Variants in IL17REL observed in about 807,000 individuals in gnomAD.
IL17REL encodes interleukin 17 receptor E like.
A neutral mutation model predicts 49.0 loss-of-function variants in IL17REL; 36 were observed. The observed-to-expected ratio is 0.73, with a 90% CI of 0.56 to 0.97. IL17REL has a LOEUF of 0.97. Among genes scored for constraint, IL17REL ranks in the 50% least tolerant of loss-of-function variants. The probability of loss-of-function intolerance (pLI) is 0.00; values close to 1 mark genes in which losing one functional copy is unlikely to be tolerated. For missense variants in IL17REL, 470 were observed against 453.9 expected, an observed-to-expected ratio of 1.04 and a Z score of -0.32; for synonymous variants, 206 against 192.4, an observed-to-expected ratio of 1.07 and a Z score of -0.58.
exon 13 of IL17REL, chr22:49,994,555 G>A (rs1013200428): frequency 2.6e-5 from 4 of 152,308 alleles, no homozygotes; most frequent in Non-Finnish European, 4.4e-5. Flanking sequence ...ACTGAGTGGC[G>A]GGGACTTACT....
In IL17REL at chr22:49,998,774, C is replaced by G. The variant is rs563169974; in HGVS notation, c.602-465G>C. ...GGGTGCGTGTGCATGGGTGCGTGTC[C>G]ATGGGTGTGGGTGTGCGTATGCATG... On this transcript the variant is annotated intron_variant, in intron 7 of 12. Coordinates refer to ENST00000341280, the Ensembl canonical transcript of IL17REL. Among the ~76,000 whole-genome samples, 11 of 148,016 alleles carry G rather than the reference C, an allele frequency of 7.4e-5. No homozygotes were observed. In the East Asian group the frequency reaches 1.4e-3, roughly 19 times the overall value.
intron 1 of IL17REL, among the ~76,000 whole-genome samples, chr22:50,006,415 T>C (rs1390134282): frequency 6.6e-6 from 1 of 152,002 alleles, no homozygotes; most frequent in African/African-American, 2.4e-5. Flanking sequence ...CCCTGAGTCC[T>C]GGGACGTTGA....
chr22:50,010,827 G>C (rs919825820), upstream of IL17REL, among the ~76,000 whole-genome samples: 34 of 151,546 alleles, frequency 2.2e-4, no homozygotes, highest in Admixed American at 4.6e-4. Flanking sequence ...GGCGGGGGGG[G>C]GCTGAGCCCG....
chr22:50,006,021 A>T (rs1353550450), intron 1 of IL17REL, among the ~76,000 whole-genome samples: 1 of 151,972 alleles, frequency 6.6e-6, no homozygotes, highest in African/African-American at 2.4e-5. Context: ...GTGCTGAGGA[A>T]AGCAGGGCGT....
At chr22:50,010,948 C>T (rs999746923), upstream of IL17REL, among the ~76,000 whole-genome samples, 1 of 151,870 alleles carries the variant, frequency 6.6e-6, no homozygotes, top group Non-Finnish European at 1.5e-5. Context: ...CTCGCGGCCC[C>T]ACCCCGCCCA....
At chr22:50,005,518 T>C (rs1461846232) in intron 1 of IL17REL, among the ~76,000 whole-genome samples, 1 of 152,122 alleles carries the variant, frequency 6.6e-6, no homozygotes, top group Non-Finnish European at 1.5e-5. Context: ...TAAAAATACC[T>C]GGGCCGGGCG....
Position 49,998,323 on chromosome 22 carries a change from C to A in IL17REL, c.602-14G>T. ...GTGCCTCAGTGTCTGCAGGAACCCT[C>A]CCCGAAACACAGGTCAGTTGGGCCC... On this transcript the variant is annotated splice_polypyrimidine_tract_variant and intron_variant, in intron 7 of 12. Transcript: ENST00000341280. 6.3e-7 allele frequency: 1 copy of A among 1,586,276 alleles called. No individual in the cohort carries two copies. Among genetic ancestry groups the A allele is most frequent in the South Asian group, 1.1e-5 (1 of 86,972 alleles).
chr22:50,007,423 T>G (rs539205027), intron 1 of IL17REL, among the ~76,000 whole-genome samples: 1 of 152,246 alleles, frequency 6.6e-6, no homozygotes, highest in African/African-American at 2.4e-5. Context: ...CAGGCTGGAG[T>G]GCAATGGTGC....
At chr22:50,012,427 A>T (rs922763278), upstream of IL17REL, 4 of 152,526 alleles carry the variant, frequency 2.6e-5, no homozygotes, top group Admixed American at 1.3e-4. Flanking sequence ...CGGACCCCCC[A>T]GGGCCCTGCA....
At chr22:50,012,147 T>C (rs965397668), upstream of IL17REL, among the ~76,000 whole-genome samples, 1 of 152,154 alleles carries the variant, frequency 6.6e-6, no homozygotes, top group Non-Finnish European at 1.5e-5. Flanking sequence ...CAACATCTCA[T>C]TCTCAGCACG....
chr22:50,012,363 C>T (rs567879145), upstream of IL17REL, among the ~76,000 whole-genome samples: 1 of 152,320 alleles, frequency 6.6e-6, no homozygotes, highest in South Asian at 2.1e-4. Flanking sequence ...CTTCCCGGAG[C>T]AGCTCGGCAG....
At chr22:50,008,831 TA>T (rs1194819491), upstream of IL17REL, 2 of 152,470 alleles carry the variant, frequency 1.3e-5, no homozygotes, top group East Asian at 3.8e-4. Context: ...GGTCACTTAG[TA>T]AACAGTGTGG....
chr22:49,994,642 A>G (rs2146733700), exon 13 of IL17REL: 1 of 152,434 alleles, frequency 6.6e-6, no homozygotes, highest in African/African-American at 2.4e-5. Flanking sequence ...CCAGCGGCCC[A>G]CGGCCAGCTG....
chr22:50,004,495 G>A (rs995357352), intron 1 of IL17REL, among the ~76,000 whole-genome samples: 1 of 152,140 alleles, frequency 6.6e-6, no homozygotes, highest in East Asian at 1.9e-4. Context: ...CCTTCCCTTG[G>A]AGCATCATCC....
At chr22:49,999,548 G>A (rs775373696) in intron 5 of IL17REL, 46 bp from the exon 8 acceptor site, 3 of 1,451,826 alleles carry the variant, frequency 2.1e-6, no homozygotes, top group South Asian at 1.2e-5. Context: ...GGAGGGCGGG[G>A]GTGGTCTGGG....
exon 6 of IL17REL, chr22:49,999,489 C>A: frequency 6.3e-7 from 1 of 1,587,756 alleles, no homozygotes; most frequent in Non-Finnish European, 8.6e-7. Context: ...CTGGGAGACG[C>A]TGTTGGCGGT....
exon 13 of IL17REL, chr22:49,995,105 C>G (rs1390216146): frequency 1.3e-5 from 2 of 152,608 alleles, no homozygotes; most frequent in Non-Finnish European, 2.9e-5. Context: ...TGGACTCCAG[C>G]CAGTGTGGGG....
upstream of IL17REL, among the ~76,000 whole-genome samples, chr22:50,012,240 G>C (rs79641456): frequency 0.018 from 2,680 of 152,342 alleles, 37 homozygotes; most frequent in South Asian, 0.036. Context: ...CGAGCGGGGT[G>C]GGGTGGGAGC....
upstream of IL17REL, among the ~76,000 whole-genome samples, chr22:50,009,400 AG>A (rs2061126611): frequency 6.6e-6 from 1 of 152,180 alleles, no homozygotes; most frequent in African/African-American, 2.4e-5. Context: ...GCTCGCAGAC[AG>A]CCTGTGGGTG....
Sources: gnomAD v4.1 joint callset for allele counts (sites outside exome capture counted in the v4.1 genomes callset) on GRCh38, gnomAD v4.1.1 for gene constraint, MANE v1.5 for transcripts, NCBI Gene and HGNC (gene_info 2026-07-23, HGNC 2026-07-21) for gene names.